Variants in AGAP1 observed in about 807,000 individuals in gnomAD.
The protein encoded by AGAP1 is arf-GAP with GTPase, ANK repeat and PH domain-containing protein 1.
A neutral mutation model predicts 105.3 loss-of-function variants in AGAP1; 29 were observed. That is an observed-to-expected ratio of 0.28 (90% CI 0.21 to 0.38). AGAP1 has a LOEUF of 0.38. AGAP1 is among the 10% of genes least tolerant of loss of function. AGAP1 has a pLI of 1.00. For missense variants in AGAP1, 998 were observed against 1,165.1 expected (o/e 0.86, Z 2.09); for synonymous variants, 509 against 485.9 (o/e 1.05, Z -0.63).
chr2:235,978,186 G>A (rs2054938021), intron 13 of AGAP1, among the ~76,000 whole-genome samples: 1 of 152,198 alleles, frequency 6.6e-6, no homozygotes, highest in African/African-American at 2.4e-5. Flanking sequence ...TGAGGAATTA[G>A]AGCTACAACA....
intron 16 of AGAP1, among the ~76,000 whole-genome samples, chr2:236,111,006 G>A (rs930606857): frequency 6.6e-6 from 1 of 152,076 alleles, no homozygotes; most frequent in South Asian, 2.1e-4. Flanking sequence ...CAGCCCCCTC[G>A]GGCCTCTTTT....
chr2:235,543,846 T>C (rs1322406783), intron 1 of AGAP1, among the ~76,000 whole-genome samples: 1 of 152,170 alleles, frequency 6.6e-6, no homozygotes, highest in Non-Finnish European at 1.5e-5. Flanking sequence ...CTTTGGGGTA[T>C]CCAGGGGCAA....
chr2:236,126,924 C>T lies in AGAP1; in HGVS notation c.*2802C>T, dbSNP rs1457386878. ...GGAGAGGCAAGGACTGGGGGCGGAG[C>T]TAGGAATAACTCGTTTGAGAAGGGG... On this transcript the variant is annotated 3_prime_UTR_variant, in exon 18 of 18. Transcript: ENST00000304032. The T allele has an allele frequency of 6.6e-6, 1 of 152,222 alleles. No homozygotes were observed. Among genetic ancestry groups the T allele is most frequent in the African/African-American group, 2.4e-5 (1 of 41,436 alleles). 9.4% of individuals were successfully genotyped at this position (152,222 alleles called of 1,614,324 possible). A position where few individuals can be genotyped will look rare whatever the true frequency, so the allele number is the denominator to read the frequency against.
chr2:236,045,838 C>A lies in AGAP1; in HGVS notation c.1892-3221C>A. 2.4e-6 allele frequency: 1 copy of A among 413,798 alleles called. No homozygotes were observed. Among genetic ancestry groups the A allele is most frequent in the Non-Finnish European group, 5.2e-6 (1 of 191,396 alleles). 25.6% of individuals were successfully genotyped at this position (413,798 alleles called of 1,614,324 possible). ...TCTCTGCTGGAGCGGAGGCAAGGTT[C>A]TCCCCTCAGTCAGCCCCAGCCTTAC... On this transcript the variant is annotated intron_variant, in intron 15 of 17. Coordinates refer to ENST00000304032, the MANE Select transcript of AGAP1 (RefSeq NM_001037131.3). The surrounding 1 kb of genome is among the most constrained non-coding windows in gnomAD (Gnocchi z 6.9).
chr2:235,823,163 T>G (rs1958890572), intron 9 of AGAP1, among the ~76,000 whole-genome samples: 3 of 152,286 alleles, frequency 2.0e-5, no homozygotes, highest in South Asian at 2.1e-4. Context: ...TGTGTGTACA[T>G]ATGTAAATTT....
intron 16 of AGAP1, among the ~76,000 whole-genome samples, chr2:236,099,962 C>A (rs1264625195): frequency 6.6e-6 from 1 of 152,102 alleles, no homozygotes; most frequent in African/African-American, 2.4e-5. Flanking sequence ...ATTGGTTGAA[C>A]CCGGGAGGCA....
Position 235,958,635 on chromosome 2 carries a change from G to A in AGAP1, c.1484-9827G>A, listed in dbSNP as rs551499603. ...CGGAGGAGAGTTAATTGTAAGGTTC[G>A]ATATGGCATCTTGTCAGCAGAGATA... On this transcript the variant is annotated intron_variant, in intron 12 of 17. Transcript: ENST00000304032. The surrounding 1 kb of genome is among the most constrained non-coding windows in gnomAD (Gnocchi z 4.1). 5.3e-5 allele frequency among the ~76,000 whole-genome samples: 8 copies of A among 152,262 alleles called. No homozygotes were observed. The South Asian group carries it at 1.2e-3, about 24-fold the overall frequency.
chr2:235,964,737 A>G lies in AGAP1; in HGVS notation c.1484-3725A>G, dbSNP rs574598155. On this transcript the variant is annotated intron_variant, in intron 12 of 17. Transcript: ENST00000304032. This position sits in a 1 kb window ranked among gnomAD's most constrained non-coding sequence, Gnocchi z 4.6. ...GGAATCTAGTATTTCAGAAATACAT[A>G]TAAGAACCACTACTTTAGAAATATC... Among the ~76,000 whole-genome samples, 30 of 152,302 alleles carry G rather than the reference A, an allele frequency of 2.0e-4. No homozygotes were observed. The highest frequency in any genetic ancestry group is 7.0e-4 in the African/African-American group (29 of 41,548).
chr2:235,876,432 A>G (rs982136730), intron 9 of AGAP1, among the ~76,000 whole-genome samples: 2 of 152,058 alleles, frequency 1.3e-5, no homozygotes, highest in Non-Finnish European at 2.9e-5. Flanking sequence ...GTGTCACCAT[A>G]TTCACCCCTA....
chr2:235,863,561 G>A lies in AGAP1; in HGVS notation c.1051-19784G>A, dbSNP rs139003212. ...GGTACAGGTACAGCCTCCTCTTTGA[G>A]CTAGGGATGATTTCAGCTGACCAGG... On this transcript the variant is annotated intron_variant, in intron 9 of 17. Transcript: ENST00000304032. Among the ~76,000 whole-genome samples, 711 of 152,298 alleles carry A rather than the reference G, an allele frequency of 4.7e-3. 2 individuals carry two copies. The highest frequency in any genetic ancestry group is 8.4e-3 in the Non-Finnish European group (571 of 68,012).
Position 236,018,658 on chromosome 2 carries a change from C to G in AGAP1, c.1646-17903C>G, listed in dbSNP as rs140262567. ...AGGGGGCATTTCTTGGGATGCCAAG[C>G]CCATTCCCTGGCAGCAGAATGAATA... On this transcript the variant is annotated intron_variant, in intron 13 of 17. Transcript: ENST00000304032. Among the ~76,000 whole-genome samples the G allele has an allele frequency of 5.8e-3, 876 of 152,322 alleles. 8 individuals are homozygous for G. The highest frequency in any genetic ancestry group is 0.031 in the Middle Eastern group (9 of 294).
chr2:235,857,262 T>C (rs1575626152), intron 9 of AGAP1, among the ~76,000 whole-genome samples: 1 of 152,152 alleles, frequency 6.6e-6, no homozygotes, highest in East Asian at 1.9e-4. Flanking sequence ...ATGCAAGGGA[T>C]CTAGGACGCA....
At position 235,905,499 on chromosome 2, in the gene AGAP1, CTCTTT is replaced by C. The variant is rs754093977; in HGVS notation, c.1156-3227_1156-3223del. Among the ~76,000 whole-genome samples the C allele has an allele frequency of 6.6e-5, 10 of 152,178 alleles. No homozygotes were observed. The highest frequency in any genetic ancestry group is 2.1e-4 in the South Asian group (1 of 4,816). The stretch of plus-strand genomic sequence containing the variant: ...CTACGGTGTGCTTTTCCTTTCTTTT[CTCTTT>C]TCTTTTCTTTTTGAGACAGAGTTTC... On this transcript the variant is annotated intron_variant, in intron 10 of 17. Coordinates refer to ENST00000304032, the MANE Select transcript of AGAP1 (RefSeq NM_001037131.3). The surrounding 1 kb of genome is among the most constrained non-coding windows in gnomAD (Gnocchi z 4.2).
At chr2:235,783,042 G>GTGTT (rs1482551849) in intron 6 of AGAP1, among the ~76,000 whole-genome samples, 1 of 88,844 alleles carries the variant, frequency 1.1e-5, no homozygotes, top group Non-Finnish European at 2.8e-5. Context: ...GTGTGTGTGT[G>GTGTT]TGTGTGTGTC....
chr2:235,567,633 C>A (rs866295902), intron 1 of AGAP1, among the ~76,000 whole-genome samples: 1 of 152,000 alleles, frequency 6.6e-6, no homozygotes, highest in Non-Finnish European at 1.5e-5. Flanking sequence ...CCCAGCCGGT[C>A]GCATACTGTG....
intron 16 of AGAP1, among the ~76,000 whole-genome samples, chr2:236,081,348 G>C (rs1331211599): frequency 1.3e-5 from 2 of 152,202 alleles, no homozygotes; most frequent in African/African-American, 4.8e-5. Context: ...TGACCCCCCA[G>C]GTTGTATGGA....
At chr2:235,707,380 G>A (rs200109816) in intron 1 of AGAP1, among the ~76,000 whole-genome samples, 2 of 151,952 alleles carry the variant, frequency 1.3e-5, no homozygotes, top group African/African-American at 4.8e-5. Context: ...GTGTTCCTCT[G>A]ACGGGATGTC....
chr2:235,545,876 G>C (rs768297845), intron 1 of AGAP1, among the ~76,000 whole-genome samples: 1 of 152,220 alleles, frequency 6.6e-6, no homozygotes, highest in Admixed American at 6.5e-5. Flanking sequence ...ACCAGGCATC[G>C]TAGGCATTGC....
In AGAP1 at chr2:235,874,178, G is replaced by A. The variant is rs554064965; in HGVS notation, c.1051-9167G>A. ...CAATTGCCCTACCTCAGCCTCCCAA[G>A]TAGCTAGGTCTACAGGCGCACACCA... On this transcript the variant is annotated intron_variant, in intron 9 of 17. Transcript: ENST00000304032. The surrounding 1 kb of genome is among the most constrained non-coding windows in gnomAD (Gnocchi z 4.5). Among the ~76,000 whole-genome samples, 1 of 152,226 alleles carries A rather than the reference G, an allele frequency of 6.6e-6. No homozygotes were observed. The highest frequency in any genetic ancestry group is 2.4e-5 in the African/African-American group (1 of 41,528).
Sources: gnomAD v4.1 joint callset for allele counts (sites outside exome capture counted in the v4.1 genomes callset) on GRCh38, gnomAD v4.1.1 for gene constraint, Gnocchi (gnomAD v3.1) non-coding constraint, MANE v1.5 for transcripts, NCBI Gene and HGNC (gene_info 2026-07-23, HGNC 2026-07-21) for gene names.